The following PTCHD4 variants were observed in gnomAD, a reference collection of about 807,000 sequenced individuals.
PTCHD4 encodes the protein patched domain containing 4.
In PTCHD4, 33 loss-of-function variants were observed where a neutral mutation model predicts 58.1. That is an observed-to-expected ratio of 0.57 (90% CI 0.43 to 0.76). The LOEUF (loss-of-function observed/expected upper bound fraction) is 0.76. PTCHD4 is among the 30% of genes least tolerant of loss of function. PTCHD4 has a pLI of 0.00. For synonymous variants in PTCHD4, 478 were observed against 409.6 expected (o/e 1.17, Z -2.02); for missense variants, 1,058 against 1,027.1 (o/e 1.03, Z -0.41).
chr6:47,870,576 A>C lies in PTCHD4; in HGVS notation c.*7727T>G, dbSNP rs1476232861. ...AATGGACCAAATTCAGGTGAATTGG[A>C]AACTTTGGAAACTTTGGAAGGACTT... On this transcript the variant is annotated 3_prime_UTR_variant, in exon 5 of 5. Transcript: ENST00000339488. Among the ~76,000 whole-genome samples the C allele has an allele frequency of 1.3e-5, 2 of 151,108 alleles. No homozygotes were observed. The highest frequency in any genetic ancestry group is 3.0e-5 in the Non-Finnish European group (2 of 67,720).
At position 47,871,951 on chromosome 6, in the gene PTCHD4, T is replaced by C. The variant is rs1165842700; in HGVS notation, c.*6352A>G. 6.6e-6 allele frequency among the ~76,000 whole-genome samples: 1 copy of C among 151,672 alleles called. No individual in the cohort carries two copies. The highest frequency in any genetic ancestry group is 1.5e-5 in the Non-Finnish European group (1 of 67,744). ...CACATTTATGTTTGTGAAGAAAAGA[T>C]GCCAGAATTCCCTTATTCTACTTGA... On this transcript the variant is annotated 3_prime_UTR_variant, in exon 5 of 5. Coordinates refer to ENST00000339488, the MANE Select transcript of PTCHD4 (RefSeq NM_001384253.1).
chr6:47,900,947 G>A (rs920797120), intron 4 of PTCHD4: 5 of 151,926 alleles, frequency 3.3e-5, no homozygotes, highest in African/African-American at 1.2e-4. Flanking sequence ...GAGGTCAGGA[G>A]ATCGAGACCA....
chr6:48,038,388 T>A (rs1763722081), intron 3 of PTCHD4, among the ~76,000 whole-genome samples: 1 of 151,946 alleles, frequency 6.6e-6, no homozygotes, highest in Non-Finnish European at 1.5e-5. Context: ...ATGCCTGTAA[T>A]CCCAGCACTT....
At chr6:48,057,552 G>A (rs552830666) in intron 3 of PTCHD4, among the ~76,000 whole-genome samples, 88 of 152,310 alleles carry the variant, frequency 5.8e-4, no homozygotes, top group African/African-American at 2.1e-3. Flanking sequence ...ACATGAAAAT[G>A]CTTTCTACTT....
At chr6:47,912,143 A>T (rs1270421498) in intron 4 of PTCHD4, among the ~76,000 whole-genome samples, 1 of 152,122 alleles carries the variant, frequency 6.6e-6, no homozygotes, top group African/African-American at 2.4e-5. Flanking sequence ...AGCATCTGTG[A>T]TGATGGTAGC....
At chr6:47,910,927 C>T (rs1765048581) in intron 4 of PTCHD4, among the ~76,000 whole-genome samples, 1 of 152,106 alleles carries the variant, frequency 6.6e-6, no homozygotes, top group South Asian at 2.1e-4. Context: ...ACCAGACATA[C>T]AGGAGAGAAC....
At chr6:47,949,183 AC>A (rs1439059256) in intron 4 of PTCHD4, among the ~76,000 whole-genome samples, 1 of 152,178 alleles carries the variant, frequency 6.6e-6, no homozygotes, top group East Asian at 1.9e-4. Flanking sequence ...GGTTGTTAGG[AC>A]AGGCCTCTGT....
intron 1 of PTCHD4, among the ~76,000 whole-genome samples, chr6:48,078,731 G>GT (rs1765105601): frequency 6.6e-6 from 1 of 150,480 alleles, no homozygotes; most frequent in Admixed American, 6.6e-5. Flanking sequence ...TTTCTGAAAT[G>GT]TTTTTAACAA....
At chr6:47,929,423 T>C (rs543493666) in intron 4 of PTCHD4, among the ~76,000 whole-genome samples, 1 of 152,360 alleles carries the variant, frequency 6.6e-6, no homozygotes, top group Non-Finnish European at 1.5e-5. Flanking sequence ...GGGTATCTGA[T>C]AAGCTCAAAG....
intron 4 of PTCHD4, among the ~76,000 whole-genome samples, chr6:47,936,520 T>A (rs1766004661): frequency 6.6e-6 from 1 of 152,252 alleles, no homozygotes; most frequent in African/African-American, 2.4e-5. Context: ...TTTTAGTGAC[T>A]TGTCCAACAT....
chr6:47,971,828 A>G (rs769136662), intron 4 of PTCHD4, among the ~76,000 whole-genome samples: 23 of 152,192 alleles, frequency 1.5e-4, no homozygotes, highest in Non-Finnish European at 1.2e-4. Flanking sequence ...ACTGCAACAG[A>G]CTTAGAGAGT....
Position 48,068,726 on chromosome 6 carries a change from ACCG to A in PTCHD4, c.6-88_6-86del, listed in dbSNP as rs533994335. On this transcript the variant is annotated intron_variant, in intron 2 of 4. Coordinates refer to ENST00000339488, the MANE Select transcript of PTCHD4 (RefSeq NM_001384253.1). The surrounding 1 kb of genome is among the most constrained non-coding windows in gnomAD (Gnocchi z 4.2). The stretch of plus-strand genomic sequence containing the variant: ...CCCCTGGGGCCAGTCCCCCCTCCCC[ACCG>A]CCGCCGCCTCCCCACCCACTCCGCG... 2.1e-3 allele frequency: 2,392 copies of A among 1,156,730 alleles called. 53 individuals are homozygous for A. In the South Asian group the frequency reaches 0.035, roughly 17 times the overall value. 71.7% of individuals were successfully genotyped at this position (1,156,730 alleles called of 1,614,324 possible). A position where few individuals can be genotyped will look rare whatever the true frequency, so the allele number is the denominator to read the frequency against.
intron 4 of PTCHD4, among the ~76,000 whole-genome samples, chr6:47,935,261 C>T (rs1029828129): frequency 5.3e-5 from 8 of 152,098 alleles, no homozygotes; most frequent in African/African-American, 1.9e-4. Flanking sequence ...ATTGGGAAGT[C>T]TATCATTCGT....
At chr6:47,907,760 C>T (rs1269958961) in intron 4 of PTCHD4, among the ~76,000 whole-genome samples, 2 of 152,130 alleles carry the variant, frequency 1.3e-5, no homozygotes, top group East Asian at 1.9e-4. Context: ...GTGCTGCTGG[C>T]AAAGGTTGAG....
chr6:47,933,030 A>C (rs1040355549), intron 4 of PTCHD4, among the ~76,000 whole-genome samples: 1 of 152,228 alleles, frequency 6.6e-6, no homozygotes, highest in Non-Finnish European at 1.5e-5. Context: ...TACAATAAAC[A>C]ATACTTCTTG....
intron 4 of PTCHD4, among the ~76,000 whole-genome samples, chr6:47,946,397 G>T (rs561660618): frequency 1.3e-5 from 2 of 152,040 alleles, no homozygotes; most frequent in East Asian, 3.9e-4. Context: ...CAGAATTGTT[G>T]CATCTTTCTG....
chr6:47,938,223 C>T lies in PTCHD4; in HGVS notation c.899-58287G>A, dbSNP rs574057453. ...CAACTGTAAGATGTTGCTAATAGGTCAAGAAAGATGAGGACTGAGGATTAA... is the reference window on the plus strand; with the variant it reads ...CAACTGTAAGATGTTGCTAATAGGTTAAGAAAGATGAGGACTGAGGATTAA... On this transcript the variant is annotated intron_variant, in intron 4 of 4. Coordinates refer to ENST00000339488, the MANE Select transcript of PTCHD4 (RefSeq NM_001384253.1). 2.6e-5 allele frequency among the ~76,000 whole-genome samples: 4 copies of T among 152,168 alleles called. No individual in the cohort carries two copies. The South Asian group carries it at 8.3e-4, about 32-fold the overall frequency.
chr6:48,089,564 A>G (rs1582128444), intron 1 of PTCHD4, among the ~76,000 whole-genome samples: 1 of 152,338 alleles, frequency 6.6e-6, no homozygotes, highest in South Asian at 2.1e-4. Flanking sequence ...ACTAATGTAT[A>G]GATTATTGTT....
chr6:47,930,073 T>G (rs937376283), intron 4 of PTCHD4, among the ~76,000 whole-genome samples: 2 of 152,222 alleles, frequency 1.3e-5, no homozygotes, highest in African/African-American at 4.8e-5. Context: ...GCCCTTTGGT[T>G]AAAGCTGGGT....
Sources: allele counts gnomAD v4.1 joint callset (sites outside exome capture counted in the v4.1 genomes callset), GRCh38; gene constraint gnomAD v4.1.1; non-coding constraint Gnocchi (gnomAD v3.1); transcripts MANE v1.5; gene names NCBI Gene and HGNC (gene_info 2026-07-23, HGNC 2026-07-21).